The following FRY variants were observed in gnomAD, a reference collection of about 807,000 sequenced individuals.
The protein encoded by FRY is protein furry homolog.
A neutral mutation model predicts 348.4 loss-of-function variants in FRY; 128 were observed. The observed-to-expected ratio is 0.37, with a 90% confidence interval of 0.32 to 0.43. The LOEUF (loss-of-function observed/expected upper bound fraction) is 0.43, where lower values mean the gene tolerates loss of function less well. FRY is among the 20% of genes least tolerant of loss of function. The pLI is 1.00. For missense variants in FRY, 2,736 were observed against 3,695.2 expected, an observed-to-expected ratio of 0.74 and a Z score of 6.73; for synonymous variants, 1,370 against 1,374.7, an observed-to-expected ratio of 1.00 and a Z score of 0.08.
At chr13:32,284,978 A>G (rs868259850) in intron 58 of FRY, among the ~76,000 whole-genome samples, 7 of 152,186 alleles carry the variant, frequency 4.6e-5, no homozygotes, top group South Asian at 4.1e-4. Flanking sequence ...GCATTCCTCA[A>G]TTGTTTATGA....
chr13:32,125,306 C>T (rs1394107622), intron 7 of FRY, among the ~76,000 whole-genome samples: 2 of 152,182 alleles, frequency 1.3e-5, no homozygotes, highest in African/African-American at 4.8e-5. Context: ...AAAAATGTCC[C>T]AGACTCTGTC....
At chr13:32,057,162 C>CT (rs896497886) in intron 1 of FRY, among the ~76,000 whole-genome samples, 1 of 151,484 alleles carries the variant, frequency 6.6e-6, no homozygotes, top group Non-Finnish European at 1.5e-5. Context: ...TTTATTTTTA[C>CT]TTTTTTTTAT....
At chr13:32,262,552 T>G (rs899714541) in intron 53 of FRY, 77 bp downstream of exon 53, 2 of 1,082,704 alleles carry the variant, frequency 1.8e-6, no homozygotes, top group African/African-American at 3.1e-5. Flanking sequence ...TTTCTGAGAA[T>G]TCTTAAGGGG....
At chr13:32,236,341 C>T (rs1886226172) in intron 43 of FRY, among the ~76,000 whole-genome samples, 169 bp downstream of exon 43, 1 of 5,778 alleles carries the variant, frequency 1.7e-4, no homozygotes, top group African/African-American at 1.0e-3. Flanking sequence ...AGTCATAATA[C>T]ACACAAACAC....
chr13:32,219,075 A>C (rs923401826), intron 36 of FRY, among the ~76,000 whole-genome samples: 1 of 147,282 alleles, frequency 6.8e-6, no homozygotes, highest in Non-Finnish European at 1.5e-5. Context: ...GTTTCTATAT[A>C]TATACATATA....
intron 2 of FRY, among the ~76,000 whole-genome samples, chr13:32,092,252 A>C (rs537286116): frequency 6.6e-6 from 1 of 152,370 alleles, no homozygotes; most frequent in Admixed American, 6.5e-5. Context: ...CTAAAAAGTT[A>C]GAAGTAGAAA....
chr13:32,069,215 C>G (rs934870935), intron 1 of FRY, among the ~76,000 whole-genome samples: 2 of 152,050 alleles, frequency 1.3e-5, no homozygotes, highest in Non-Finnish European at 2.9e-5. Flanking sequence ...ACGCCTGGCC[C>G]ATATGTTCAA....
At chr13:32,257,247 G>A (rs868054681) in intron 51 of FRY, among the ~76,000 whole-genome samples, 1 of 152,184 alleles carries the variant, frequency 6.6e-6, no homozygotes, top group South Asian at 2.1e-4. Flanking sequence ...CAAAGTGTCA[G>A]GCATATAGTT....
intron 58 of FRY, 46 bp from the exon 59 acceptor site, chr13:32,289,587 G>T (rs761455498): frequency 2.6e-6 from 3 of 1,151,926 alleles, no homozygotes; most frequent in South Asian, 2.4e-5. Context: ...ATATGTGAAT[G>T]ATCTTTAACA....
chr13:32,214,009 C>T (rs1437801488), intron 35 of FRY, among the ~76,000 whole-genome samples: 1 of 152,210 alleles, frequency 6.6e-6, no homozygotes, highest in East Asian at 1.9e-4. Context: ...ATGTCAGATT[C>T]TTTTATACTG....
At chr13:32,284,849 T>C (rs1350325260) in intron 58 of FRY, among the ~76,000 whole-genome samples, 1 of 152,232 alleles carries the variant, frequency 6.6e-6, no homozygotes, top group Admixed American at 6.5e-5. Flanking sequence ...TCTTAGATTT[T>C]TACTGACTGG....
intron 4 of FRY, among the ~76,000 whole-genome samples, chr13:32,119,208 C>G (rs983149973): frequency 2.0e-5 from 3 of 152,066 alleles, no homozygotes; most frequent in African/African-American, 7.2e-5. Context: ...ATGAAGCTCT[C>G]TAGGGTATGG....
In FRY at chr13:32,185,448, G is replaced by A. The variant is rs535442344; in HGVS notation, c.3319+300G>A. 5.3e-5 allele frequency among the ~76,000 whole-genome samples: 8 copies of A among 152,268 alleles called. No homozygotes were observed. The South Asian group carries it at 1.5e-3, about 28-fold the overall frequency. ...CCATAGGAAGGAAGTAATTCAGAAG[G>A]AACATTCACACAGGCTTCATTTTTT... is the stretch of plus-strand genomic sequence containing the variant. On this transcript the variant is annotated intron_variant, in intron 26 of 60. Transcript: ENST00000542859.
intron 1 of FRY, among the ~76,000 whole-genome samples, chr13:32,068,185 C>G (rs1302694479): frequency 6.6e-6 from 1 of 151,982 alleles, no homozygotes; most frequent in Non-Finnish European, 1.5e-5. Context: ...TCCAAATAAT[C>G]TACACATTTT....
rs142273069 is a variant in FRY, at chr13:32,178,745, T to C, written c.2682-99T>C. The C allele has an allele frequency of 9.6e-4, 823 of 854,966 alleles. 17 individuals carry two copies. The East Asian group carries it at 0.021, about 21-fold the overall frequency. 53.0% of individuals were successfully genotyped at this position (854,966 alleles called of 1,614,324 possible). ...GAATAACATTCTTAATCGACAGTTGTTCAACTCTATTTGAGTACTTCCTAT... is the reference window on the plus strand; with the variant it reads ...GAATAACATTCTTAATCGACAGTTGCTCAACTCTATTTGAGTACTTCCTAT... On this transcript the variant is annotated intron_variant, in intron 21 of 60. Coordinates refer to ENST00000542859, the MANE Select transcript of FRY (RefSeq NM_023037.3).
intron 29 of FRY, among the ~76,000 whole-genome samples, chr13:32,198,098 C>A (rs568780122): frequency 2.0e-5 from 3 of 152,218 alleles, no homozygotes; most frequent in Admixed American, 6.5e-5. Context: ...GGGTTTCTTT[C>A]ATTTTCTGGA....
At position 32,225,919 on chromosome 13, in the gene FRY, T is replaced by C. The variant is rs1409108937; in HGVS notation, c.5151T>C (p.Gly1717=). ...ASVLLQTREM[G]EAKTLTVQPA... is the part of the protein sequence containing the mutation. ...TGCTCCTGCAGACCCGAGAGATGGG[T>C]GAAGCTAAGACTCTAACCGTGCAGC... is the stretch of plus-strand genomic sequence containing the variant. The change falls in exon 39 of 61, where the codon GGT becomes GGC. Residue 1717 remains glycine (G), a synonymous_variant. Coordinates refer to ENST00000542859, the MANE Select transcript of FRY (RefSeq NM_023037.3). 5 of 1,613,974 alleles carry C rather than the reference T, an allele frequency of 3.1e-6. No homozygotes were observed. The highest frequency in any genetic ancestry group is 4.2e-6 in the Non-Finnish European group (5 of 1,180,022).
rs2072042483 is a variant in FRY, at chr13:32,295,407, C to T, written c.8989C>T (p.Arg2997Ter). The T allele has an allele frequency of 3.1e-6, 5 of 1,612,426 alleles. No homozygotes were observed. Among genetic ancestry groups the T allele is most frequent in the South Asian group, 1.1e-5 (1 of 91,076 alleles). ...CATGATCCGCAGGGCCCAGAGTTAC[C>T]GAGTCCTCACTACTTTTCTTCCAGA... ...RDMIRRAQSY[R>*]VLTTFLPDSS... Residue 2997 changes from arginine to a stop codon, truncating the protein, a stop_gained, in exon 61 of 61, where the codon CGA (arginine) becomes TGA (stop). Transcript: ENST00000542859. LOFTEE classifies it high-confidence loss of function.
At chr13:32,048,081 A>G (rs989838729) in intron 1 of FRY, among the ~76,000 whole-genome samples, 86 of 152,148 alleles carry the variant, frequency 5.7e-4, no homozygotes, top group African/African-American at 2.1e-3. Flanking sequence ...CTCTGTGGCT[A>G]AGAATCAACC....
Sources: gnomAD v4.1 joint callset for allele counts (sites outside exome capture counted in the v4.1 genomes callset) on GRCh38, gnomAD v4.1.1 for gene constraint, MANE v1.5 for transcripts, NCBI Gene and HGNC (gene_info 2026-07-23, HGNC 2026-07-21) for gene names.